The following GBP7 variants were observed in gnomAD, a reference collection of about 807,000 sequenced individuals.
GBP7 encodes the protein guanylate binding protein 7.
In GBP7, 43 loss-of-function variants were observed where a neutral mutation model predicts 61.3. The observed-to-expected ratio is 0.70, with a 90% CI of 0.55 to 0.91. The LOEUF is 0.91. Among genes scored for constraint, GBP7 ranks in the 40% least tolerant of loss-of-function variants. The pLI is 0.00. For synonymous variants in GBP7, 267 were observed against 271.0 expected, an observed-to-expected ratio of 0.99 and a Z score of 0.14; for missense variants, 717 against 740.5, an observed-to-expected ratio of 0.97 and a Z score of 0.37.
intron 3 of GBP7, among the ~76,000 whole-genome samples, chr1:89,154,234 T>G (rs1305412886): frequency 1.3e-5 from 2 of 152,226 alleles, no homozygotes; most frequent in African/African-American, 4.8e-5. Context: ...TATTTTATCT[T>G]TGTTGTACAC....
At chr1:89,143,477 T>C (rs1330077052) in intron 8 of GBP7, among the ~76,000 whole-genome samples, 1 of 152,140 alleles carries the variant, frequency 6.6e-6, no homozygotes, top group Non-Finnish European at 1.5e-5. Flanking sequence ...TTAGGGTGAG[T>C]GAGCAATAAT....
At chr1:89,155,093 TG>T (rs1422849783) in intron 3 of GBP7, among the ~76,000 whole-genome samples, 1 of 152,232 alleles carries the variant, frequency 6.6e-6, no homozygotes, top group African/African-American at 2.4e-5. Context: ...AAACAGGGTC[TG>T]GAGTGGACCT....
intron 3 of GBP7, among the ~76,000 whole-genome samples, chr1:89,159,530 A>G (rs968182639): frequency 6.6e-6 from 1 of 152,074 alleles, no homozygotes; most frequent in Middle Eastern, 3.2e-3. Flanking sequence ...AAATCAAACA[A>G]CCCCATCAAA....
intron 5 of GBP7, among the ~76,000 whole-genome samples, chr1:89,151,531 A>G (rs1208886484): frequency 6.6e-6 from 1 of 152,222 alleles, no homozygotes; most frequent in Non-Finnish European, 1.5e-5. Context: ...CAGTTATTCA[A>G]AACAAATATT....
chr1:89,135,602 G>T (rs1681781673), intron 9 of GBP7, among the ~76,000 whole-genome samples: 1 of 151,482 alleles, frequency 6.6e-6, no homozygotes, highest in Non-Finnish European at 1.5e-5. Flanking sequence ...CCAAACTAAG[G>T]TTCATAAGAA....
chr1:89,150,630 A>T, intron 5 of GBP7, 55 bp from the exon 6 acceptor site: 1 of 1,573,122 alleles, frequency 6.4e-7, no homozygotes, highest in East Asian at 2.2e-5. Context: ...GTGAGCCTGA[A>T]GATTTTCATT....
chr1:89,149,751 GATAAC>G (rs1176242712), intron 6 of GBP7, among the ~76,000 whole-genome samples, 179 bp from the exon 7 acceptor site: 4 of 151,358 alleles, frequency 2.6e-5, no homozygotes, highest in African/African-American at 9.7e-5. Flanking sequence ...ACTTTCCTAC[GATAAC>G]ATGACTGTTG....
At chr1:89,165,373 G>T (rs188399497) in intron 2 of GBP7, among the ~76,000 whole-genome samples, 11 of 151,982 alleles carry the variant, frequency 7.2e-5, no homozygotes, top group African/African-American at 2.7e-4. Flanking sequence ...GGTCGTGCAC[G>T]CCTGTAGTCC....
At chr1:89,168,900 C>T (rs945891893) in intron 2 of GBP7, among the ~76,000 whole-genome samples, 3 of 151,946 alleles carry the variant, frequency 2.0e-5, no homozygotes, top group East Asian at 3.9e-4. Context: ...ACCCGGGAGG[C>T]GGAGGTTGCG....
Position 89,132,506 on chromosome 1 carries a change from C to T in GBP7, c.1663-103G>A. ...GTTAAACATGTGTCCATTTCTCTAACATCTTAGAAAATCTTTGATGAGTTG... is the reference window on the plus strand; with the variant it reads ...GTTAAACATGTGTCCATTTCTCTAATATCTTAGAAAATCTTTGATGAGTTG... On this transcript the variant is annotated intron_variant, in intron 10 of 10. Coordinates refer to ENST00000294671, the MANE Select transcript of GBP7 (RefSeq NM_207398.3). 4.7e-6 allele frequency: 4 copies of T among 852,982 alleles called. 1 individual carries two copies. The South Asian group carries it at 7.0e-5, about 15-fold the overall frequency. The allele number at this position is 852,982 out of a possible 1,614,324, so 52.8% of individuals were successfully genotyped here.
intron 3 of GBP7, among the ~76,000 whole-genome samples, chr1:89,156,104 A>C (rs1253911776): frequency 6.6e-6 from 1 of 152,336 alleles, no homozygotes; most frequent in Admixed American, 6.5e-5. Flanking sequence ...AGCCAAACTA[A>C]GCTTCATAAG....
intron 9 of GBP7, among the ~76,000 whole-genome samples, chr1:89,137,128 A>G (rs1681825140): frequency 6.6e-6 from 1 of 152,110 alleles, no homozygotes; most frequent in South Asian, 2.1e-4. Flanking sequence ...CCTGGAACAG[A>G]CTAATAACAA....
chr1:89,141,995 G>A (rs1402619563), intron 8 of GBP7, among the ~76,000 whole-genome samples: 2 of 152,072 alleles, frequency 1.3e-5, no homozygotes, highest in Admixed American at 6.6e-5. Context: ...TTTGCCTGAA[G>A]GCCTGCCTAC....
Position 89,150,378 on chromosome 1 carries a change from G to C in GBP7, c.823C>G (p.His275Asp). 6.2e-7 allele frequency: 1 copy of C among 1,613,764 alleles called. No individual in the cohort carries two copies. The highest frequency in any genetic ancestry group is 8.5e-7 in the Non-Finnish European group (1 of 1,179,704). ...TCTCTCAGGGTCTTGGTCTTTGCATGGGTGAAGATATAAGAACAGAAATTT... is the reference window on the plus strand; with the variant it reads ...TCTCTCAGGGTCTTGGTCTTTGCATCGGTGAAGATATAAGAACAGAAATTT... ...SENFCSYIFT[H>D]AKTKTLREGI... Residue 275 changes from histidine to aspartate, a missense_variant, in exon 6 of 11, where the codon CAT (histidine) becomes GAT (aspartate). This residue lies in a region of GBP7 where 387 missense variants were observed against 385.2 expected (regional missense o/e 1.00). Transcript: ENST00000294671.
intron 1 of GBP7, among the ~76,000 whole-genome samples, chr1:89,175,653 A>T (rs1647721036): frequency 6.6e-6 from 1 of 152,250 alleles, no homozygotes; most frequent in South Asian, 2.1e-4. Context: ...ATTTAAAGAT[A>T]ACAGTAATTT....
At chr1:89,148,627 T>C (rs2100645371) in intron 7 of GBP7, among the ~76,000 whole-genome samples, 1 of 152,288 alleles carries the variant, frequency 6.6e-6, no homozygotes, top group African/African-American at 2.4e-5. Context: ...AAGAGAAACA[T>C]TTGATGCATT....
Position 89,131,850 on chromosome 1 carries a change from C to T in GBP7, c.*299G>A, listed in dbSNP as rs1681683949. The T allele has an allele frequency of 9.7e-6, 2 of 207,172 alleles. No homozygotes were observed. The highest frequency in any genetic ancestry group is 1.9e-5 in the Non-Finnish European group (2 of 104,498). 12.8% of individuals were successfully genotyped at this position (207,172 alleles called of 1,614,324 possible). On this transcript the variant is annotated 3_prime_UTR_variant, in exon 11 of 11. Transcript: ENST00000294671. ...CTCTCTTCTCACTGATTTGCAAGAG[C>T]TAATTATAACTTAAATTATCTCTGT...
At position 89,132,293 on chromosome 1, in the gene GBP7, T is replaced by C. The variant is rs777504872; in HGVS notation, c.1773A>G (p.Ser591=). 1.9e-6 allele frequency: 3 copies of C among 1,613,940 alleles called. No individual in the cohort carries two copies. Among genetic ancestry groups the C allele is most frequent in the African/African-American group, 2.7e-5 (2 of 74,934 alleles). The change falls in exon 11 of 11, where the codon TCA becomes TCG. Residue 591 remains serine, a synonymous_variant. Coordinates refer to ENST00000294671, the MANE Select transcript of GBP7 (RefSeq NM_207398.3). Reference sequence around the variant, plus strand: ...CCACATCAAGAATCTGTGAAAACACTGAGGGCTCTTCATTTTCAGCTGCTT... The same window carrying C: ...CCACATCAAGAATCTGTGAAAACACCGAGGGCTCTTCATTTTCAGCTGCTT... ...QIEAAENEEP[S]VFSQILDVAG...
intron 3 of GBP7, among the ~76,000 whole-genome samples, chr1:89,154,590 A>G (rs1682271844): frequency 6.6e-6 from 1 of 150,612 alleles, no homozygotes; most frequent in African/African-American, 2.4e-5. Flanking sequence ...CAGGTGATCC[A>G]CCCACCTTGG....
Sources: gnomAD v4.1 joint callset for allele counts (sites outside exome capture counted in the v4.1 genomes callset) on GRCh38, gnomAD v4.1.1 for gene constraint, gnomAD v4.1.1 regional missense constraint, MANE v1.5 for transcripts, NCBI Gene and HGNC (gene_info 2026-07-23, HGNC 2026-07-21) for gene names.